The following TNC variants were observed in gnomAD, a reference collection of about 807,000 sequenced individuals.
TNC encodes the protein tenascin C.
A neutral mutation model predicts 202.4 loss-of-function variants in TNC; 109 were observed. The ratio of observed to expected loss-of-function variants is 0.54; its 90% confidence interval spans 0.46 to 0.63. The LOEUF (loss-of-function observed/expected upper bound fraction) is 0.63, where lower values mean the gene tolerates loss of function less well. Ranked by LOEUF, TNC falls within the 30% of genes least tolerant of loss-of-function variation. The probability of loss-of-function intolerance (pLI) is 0.00; values close to 1 mark genes in which losing one functional copy is unlikely to be tolerated. For missense variants in TNC, 2,756 were observed against 2,833.3 expected (o/e 0.97, Z 0.62); for synonymous variants, 1,007 against 1,089.7 (o/e 0.92, Z 1.50).
intron 15 of TNC, among the ~76,000 whole-genome samples, chr9:115,050,547 C>A (rs1831569346): frequency 6.6e-6 from 1 of 152,144 alleles, no homozygotes. Context: ...CATTAGGTAA[C>A]TGGATAGGAA....
intron 25 of TNC, among the ~76,000 whole-genome samples, 182 bp from the exon 26 acceptor site, chr9:115,026,877 G>A (rs1829531171): frequency 7.4e-6 from 1 of 134,956 alleles, no homozygotes; most frequent in South Asian, 2.4e-4. Context: ...GGGGGTGGGG[G>A]TGGTGGGAAT....
At chr9:115,041,271 T>C (rs1417075385) in intron 18 of TNC, among the ~76,000 whole-genome samples, 187 bp from the exon 19 acceptor site, 1 of 147,026 alleles carries the variant, frequency 6.8e-6, no homozygotes, top group African/African-American at 2.5e-5. Flanking sequence ...GTATGCTTTT[T>C]CTATTGGTGC....
At chr9:115,089,223 C>T (rs764412337) in intron 2 of TNC, among the ~76,000 whole-genome samples, 1 of 152,204 alleles carries the variant, frequency 6.6e-6, no homozygotes, top group African/African-American at 2.4e-5. Flanking sequence ...AAGACTATTT[C>T]ACTTAGGGTG....
At chr9:115,023,896 GGA>G in intron 27 of TNC, 75 bp downstream of exon 27, 1 of 1,497,468 alleles carries the variant, frequency 6.7e-7, no homozygotes, top group Non-Finnish European at 9.2e-7. Flanking sequence ...GCTAGGATAG[GGA>G]GTTAAATTGT....
Position 115,031,605 on chromosome 9 carries a change from C to T in TNC, c.5868G>A (p.Gln1956=). 1 of 1,611,354 alleles carries T rather than the reference C, an allele frequency of 6.2e-7. No individual in the cohort carries two copies. The highest frequency in any genetic ancestry group is 1.7e-5 in the Admixed American group (1 of 59,640). ...TGCTCCTCAGGGGCCCATTGAGTGC[C>T]TGGATCTTGGCTGTGTAGTGGGTGG... ...SPSTHYTAKI[Q]ALNGPLRSNM... is the part of the protein sequence containing the mutation. Residue 1956 remains glutamine, a synonymous_variant, in exon 23 of 28, where the codon CAG becomes CAA. Transcript: ENST00000350763.
chr9:115,043,639 T>A (rs145877695), intron 17 of TNC, among the ~76,000 whole-genome samples: 265 of 152,312 alleles, frequency 1.7e-3, no homozygotes, highest in African/African-American at 6.0e-3. Flanking sequence ...ATGATTGCCC[T>A]CTCTTTATTT....
intron 27 of TNC, among the ~76,000 whole-genome samples, chr9:115,023,234 C>T (rs1224869090): frequency 6.6e-6 from 1 of 152,104 alleles, no homozygotes; most frequent in Non-Finnish European, 1.5e-5. Context: ...GCCCTCCTCC[C>T]AGGGATGGTG....
chr9:115,089,045 CT>C (rs1380069406), intron 2 of TNC, among the ~76,000 whole-genome samples: 2 of 152,186 alleles, frequency 1.3e-5, no homozygotes, highest in East Asian at 3.8e-4. Flanking sequence ...TTAGACAGCA[CT>C]GCTCTAAACA....
rs1837066828 is a variant in TNC at position 115,111,542 on chromosome 9, G to A, written c.-137+6440C>T. On this transcript the variant is annotated intron_variant, in intron 1 of 27. Transcript: ENST00000350763. ...TCCTGCTTCAGCTTCCTGAGTAGCT[G>A]GGATTACAGGTGCCCACCACCATGC... Among the ~76,000 whole-genome samples, 3 of 150,994 alleles carry A rather than the reference G, an allele frequency of 2.0e-5. No homozygotes were observed. In the South Asian group the frequency reaches 6.3e-4, roughly 32 times the overall value.
chr9:115,098,918 G>T (rs902801851), intron 1 of TNC, among the ~76,000 whole-genome samples: 1 of 147,128 alleles, frequency 6.8e-6, no homozygotes, highest in Non-Finnish European at 1.5e-5. Context: ...AGAGGAGCCA[G>T]GAAACAGCCT....
At chr9:115,116,214 T>A (rs1837455104) in intron 1 of TNC, among the ~76,000 whole-genome samples, 1 of 152,142 alleles carries the variant, frequency 6.6e-6, no homozygotes, top group Non-Finnish European at 1.5e-5. Context: ...AGAAGCTAGG[T>A]TTTTAAAACA....
rs999056718 is a variant in TNC, at chr9:115,081,755, T to C, written c.2404+17A>G. On this transcript the variant is annotated intron_variant, in intron 6 of 27. Transcript: ENST00000350763. ...AATCAGCCTTATCATTCTATAAGTATTAAAGGTGATACTCACGTGTGGTGG... is the reference window on the plus strand; with the variant it reads ...AATCAGCCTTATCATTCTATAAGTACTAAAGGTGATACTCACGTGTGGTGG... The C allele has an allele frequency of 8.7e-6, 14 of 1,613,692 alleles. No individual in the cohort carries two copies. The highest frequency in any genetic ancestry group is 1.1e-5 in the Non-Finnish European group (13 of 1,179,832).
At chr9:115,112,299 A>G (rs1837138373) in intron 1 of TNC, among the ~76,000 whole-genome samples, 2 of 152,200 alleles carry the variant, frequency 1.3e-5, no homozygotes, top group South Asian at 4.1e-4. Flanking sequence ...CACCCTCTTT[A>G]AAATGAGGTA....
chr9:115,065,048 T>G, intron 10 of TNC, 129 bp from the exon 11 acceptor site: 1 of 995,132 alleles, frequency 1.0e-6, no homozygotes, highest in Non-Finnish European at 1.5e-6. Flanking sequence ...CTTTGTTCAC[T>G]GCATCCCCTA....
intron 11 of TNC, 119 bp downstream of exon 11, chr9:115,064,528 A>T (rs973161971): frequency 1.9e-5 from 24 of 1,280,632 alleles, no homozygotes; most frequent in Non-Finnish European, 2.5e-5. Context: ...TCACAATTAG[A>T]CCCCATAGAC....
At chr9:115,025,601 A>G (rs1357424548) in intron 26 of TNC, among the ~76,000 whole-genome samples, 2 of 151,822 alleles carry the variant, frequency 1.3e-5, no homozygotes, top group Non-Finnish European at 2.9e-5. Flanking sequence ...AGTTTTCTGC[A>G]GCCAGGATTG....
chr9:115,079,761 T>G (rs751805461), intron 6 of TNC, among the ~76,000 whole-genome samples: 1 of 152,192 alleles, frequency 6.6e-6, no homozygotes, highest in South Asian at 2.1e-4. Context: ...AAAGATGGAA[T>G]TCAAACTCAG....
chr9:115,026,294 A>G (rs1465115827), intron 26 of TNC, among the ~76,000 whole-genome samples: 1 of 152,224 alleles, frequency 6.6e-6, no homozygotes, highest in East Asian at 1.9e-4. Context: ...AAAGATGGTC[A>G]TTAGAAATCA....
chr9:115,041,151 A>C (rs1830707404), intron 18 of TNC, 67 bp from the exon 19 acceptor site: 2 of 1,500,896 alleles, frequency 1.3e-6, no homozygotes, highest in Non-Finnish European at 1.8e-6. Flanking sequence ...TGTTGCCCCC[A>C]AAAAGAGTGT....
Sources: allele counts gnomAD v4.1 joint callset (sites outside exome capture counted in the v4.1 genomes callset), GRCh38; gene constraint gnomAD v4.1.1; transcripts MANE v1.5; gene names NCBI Gene and HGNC (gene_info 2026-07-23, HGNC 2026-07-21).